Variants in GEMIN4 observed in about 807,000 individuals in gnomAD.
The protein encoded by GEMIN4 is gem nuclear organelle associated protein 4, also known as gem-associated protein 4.
Under a neutral mutation model 76.8 loss-of-function variants are expected in GEMIN4, and 59 were observed. The ratio of observed to expected loss-of-function variants is 0.77; its 90% CI spans 0.62 to 0.95. GEMIN4 has a LOEUF of 0.95. Among genes scored for constraint, GEMIN4 ranks in the 40% least tolerant of loss-of-function variants. The pLI is 0.00. For synonymous variants in GEMIN4, 562 were observed against 559.7 expected, an observed-to-expected ratio of 1.00 and a Z score of -0.06; for missense variants, 1,311 against 1,318.9, an observed-to-expected ratio of 0.99 and a Z score of 0.09.
rs1049032229 is a variant in GEMIN4, at chr17:747,383, G to A, written c.660C>T (p.Leu220=). 1.2e-6 allele frequency: 2 copies of A among 1,613,790 alleles called. No individual in the cohort carries two copies. Among genetic ancestry groups the A allele is most frequent in the Non-Finnish European group, 1.7e-6 (2 of 1,179,888 alleles). ...GACTCTGGATCTGTGTCAGCCCGCGGAGCAGCATGGCCAACAGGGGCATGG... is the reference window on the plus strand; with the variant it reads ...GACTCTGGATCTGTGTCAGCCCGCGAAGCAGCATGGCCAACAGGGGCATGG... ...CPTMPLLAML[L]RGLTQIQSRI... is the part of the protein sequence containing the mutation. The change falls in exon 2 of 2, where the codon CTC becomes CTT. Residue 220 remains leucine, a synonymous_variant. Coordinates refer to ENST00000319004, the MANE Select transcript of GEMIN4 (RefSeq NM_015721.3).
At position 747,326 on chromosome 17, in the gene GEMIN4, C is replaced by G; in HGVS notation, c.717G>C (p.Ala239=). 6.2e-7 allele frequency: 1 copy of G among 1,613,788 alleles called. No homozygotes were observed. The highest frequency in any genetic ancestry group is 8.5e-7 in the Non-Finnish European group (1 of 1,179,876). Residue 239 remains alanine (A), a synonymous_variant, in exon 2 of 2, where the codon GCG becomes GCC. Transcript: ENST00000319004. ...TCAGCATGTCAGCCAGGTTGGCCAG[C>G]GCACAGCACTTCCTCCCCGGGCCCA... ...RILGPGRKCC[A]LANLADMLTV... is the part of the protein sequence containing the mutation.
chr17:746,077 C>G lies in GEMIN4; in HGVS notation c.1966G>C (p.Val656Leu), dbSNP rs200818121. ...ACATCTAACCTCAAGAAAGGCAGGACAAATTCCTTCAGCACCTCGTCTGGC... is the reference window on the plus strand; with the variant it reads ...ACATCTAACCTCAAGAAAGGCAGGAGAAATTCCTTCAGCACCTCGTCTGGC... ...LEPDEVLKEF[V>L]LPFLRLDVEE... Residue 656 changes from valine to leucine, a missense_variant, in exon 2 of 2, where the codon GTC becomes CTC. Transcript: ENST00000319004. The surrounding 1 kb of genome is among the most constrained non-coding windows in gnomAD (Gnocchi z 4.3). The G allele has an allele frequency of 1.2e-6, 2 of 1,613,968 alleles. No individual in the cohort carries two copies. Among genetic ancestry groups the G allele is most frequent in the South Asian group, 2.2e-5 (2 of 91,086 alleles).
Position 746,546 on chromosome 17 carries a change from A to C in GEMIN4, c.1497T>G (p.Leu499=). The C allele has an allele frequency of 6.2e-7, 1 of 1,613,880 alleles. No individual in the cohort carries two copies. The highest frequency in any genetic ancestry group is 1.1e-5 in the South Asian group (1 of 91,086). ...GCCCCCAGGAACGCAGGATACCTGCAAGGACTTTATTTTTACCTGGCAGGG... is the reference window on the plus strand; with the variant it reads ...GCCCCCAGGAACGCAGGATACCTGCCAGGACTTTATTTTTACCTGGCAGGG... ...DLSLPGKNKV[L]AGILRSWGRK... Residue 499 remains leucine, a synonymous_variant, in exon 2 of 2, where the codon CTT becomes CTG. Coordinates refer to ENST00000319004, the MANE Select transcript of GEMIN4 (RefSeq NM_015721.3). This position sits in a 1 kb window ranked among gnomAD's most constrained non-coding sequence, Gnocchi z 4.3.
rs201764322 is a variant in GEMIN4, at chr17:747,822, C to G, written c.221G>C (p.Trp74Ser). Residue 74 changes from tryptophan (W) to serine (S), a missense_variant, in exon 2 of 2, where the codon TGG becomes TCG. By Grantham distance (177) the Trp-to-Ser change is radical. Transcript: ENST00000319004. ...AWKKKALIII[W>S]AKVLQPHPVT... ...GGGGTGCGGCTGCAGAACCTTGGCC[C>G]AGATGATGATCAGGGCTTTCTTCTT... 56 of 1,613,584 alleles carry G rather than the reference C, an allele frequency of 3.5e-5. No homozygotes were observed. In the East Asian group the frequency reaches 7.8e-4, roughly 23 times the overall value.
chr17:752,193 A>C lies in GEMIN4; in HGVS notation c.-51T>G, dbSNP rs1004055325. The stretch of plus-strand genomic sequence containing the variant: ...GGCTAACGCCCCCTCCCCTCCGAGA[A>C]CTCGAACGCGGCGCGGGACGCACGG... On this transcript the variant is annotated 5_prime_UTR_variant, in exon 1 of 2. Transcript: ENST00000319004. 2.4e-6 allele frequency: 3 copies of C among 1,232,164 alleles called. No individual in the cohort carries two copies. Among genetic ancestry groups the C allele is most frequent in the African/African-American group, 3.1e-5 (2 of 64,284 alleles). The allele number at this position is 1,232,164 out of a possible 1,614,324, so 76.3% of individuals were successfully genotyped here. A position where few individuals can be genotyped will look rare whatever the true frequency, so the allele number is the denominator to read the frequency against.
chr17:752,459 C>T (rs1904793444), upstream of GEMIN4, among the ~76,000 whole-genome samples: 2 of 152,102 alleles, frequency 1.3e-5, no homozygotes, highest in South Asian at 2.1e-4. Flanking sequence ...GGGTCGGGCT[C>T]ATGATTCCCC....
At position 746,671 on chromosome 17, in the gene GEMIN4, G is replaced by C; in HGVS notation, c.1372C>G (p.Leu458Val). The change falls in exon 2 of 2, where the codon CTG becomes GTG. Residue 458 changes from leucine to valine, a missense_variant. Coordinates refer to ENST00000319004, the MANE Select transcript of GEMIN4 (RefSeq NM_015721.3). This position sits in a 1 kb window ranked among gnomAD's most constrained non-coding sequence, Gnocchi z 4.3. ...FRQPDLVLRLLETVIDVSTAD... is the reference protein window; with the variant it reads ...FRQPDLVLRLVETVIDVSTAD... ...GTGCTGACGTCTATCACTGTTTCCA[G>C]CAGCCTCAACACCAAGTCTGGCTGT... 4.3e-6 allele frequency: 7 copies of C among 1,613,588 alleles called. No individual in the cohort carries two copies. The highest frequency in any genetic ancestry group is 1.7e-4 in the Middle Eastern group (1 of 6,060).
At position 745,943 on chromosome 17, in the gene GEMIN4, G is replaced by C; in HGVS notation, c.2100C>G (p.Ser700Arg). ...TGAAGCGGTCCAAGAGCTGGCACAA[G>C]CTGAAGAGGAGTGGAAACGGGGAGC... is the stretch of plus-strand genomic sequence containing the variant. ...QTCSPFPLLFSLCQLLDRFSK... is the reference protein window; with the variant it reads ...QTCSPFPLLFRLCQLLDRFSK... The change falls in exon 2 of 2, where the codon AGC (serine) becomes AGG (arginine). Residue 700 changes from serine to arginine, a missense_variant. Transcript: ENST00000319004. The surrounding 1 kb of genome is among the most constrained non-coding windows in gnomAD (Gnocchi z 4.6). The C allele has an allele frequency of 6.2e-7, 1 of 1,613,146 alleles. No individual in the cohort carries two copies. Among genetic ancestry groups the C allele is most frequent in the South Asian group, 1.1e-5 (1 of 91,074 alleles).
Position 747,876 on chromosome 17 carries a change from G to A in GEMIN4, c.167C>T (p.Ala56Val). 1 of 1,613,928 alleles carries A rather than the reference G, an allele frequency of 6.2e-7. No individual in the cohort carries two copies. Among genetic ancestry groups the A allele is most frequent in the Non-Finnish European group, 8.5e-7 (1 of 1,179,888 alleles). The change falls in exon 2 of 2, where the codon GCT becomes GTT. Residue 56 changes from alanine to valine, a missense_variant. Around this residue, in one of 2 missense-constraint regions of GEMIN4, gnomAD observed 103 missense variants for 152.0 expected, o/e 0.68. Transcript: ENST00000319004. ...IVEALREISS[A>V]AAHSQPFAWK... ...GGCAAAGGGCTGGGAGTGTGCTGCAGCCGAGGAGATCTCCCTTAAGGCCTC... is the reference window on the plus strand; with the variant it reads ...GGCAAAGGGCTGGGAGTGTGCTGCAACCGAGGAGATCTCCCTTAAGGCCTC...
chr17:745,417 T>C lies in GEMIN4; in HGVS notation c.2626A>G (p.Thr876Ala), dbSNP rs1318731490. ...AGCTGCTTCTCCAGCAGTCTCCTGG[T>C]CAGCTGGTGAAGGCGCTGCCACTCC... ...PQEWQRLHQL[T>A]RRLLEKQLLH... Residue 876 changes from threonine to alanine, a missense_variant, in exon 2 of 2, where the codon ACC (threonine) becomes GCC (alanine). Coordinates refer to ENST00000319004, the MANE Select transcript of GEMIN4 (RefSeq NM_015721.3). The surrounding 1 kb of genome is among the most constrained non-coding windows in gnomAD (Gnocchi z 4.6). The C allele has an allele frequency of 2.5e-6, 4 of 1,612,892 alleles. No individual in the cohort carries two copies. The highest frequency in any genetic ancestry group is 3.4e-6 in the Non-Finnish European group (4 of 1,179,698).
At chr17:752,486 T>G, upstream of GEMIN4, 1 of 445,728 alleles carries the variant, frequency 2.2e-6, no homozygotes, top group Non-Finnish European at 3.5e-6. Flanking sequence ...GCATTCACCC[T>G]CACCCGGTAA....
chr17:750,521 C>T (rs1042693723), intron 1 of GEMIN4, among the ~76,000 whole-genome samples: 47 of 152,176 alleles, frequency 3.1e-4, no homozygotes, highest in African/African-American at 1.1e-3. Context: ...TCAGAAACAT[C>T]AAAGGATGTA....
Position 744,800 on chromosome 17 carries a change from G to A in GEMIN4, c.*66C>T, listed in dbSNP as rs531072805. The A allele has an allele frequency of 1.4e-4, 209 of 1,508,302 alleles. No homozygotes were observed. In the East Asian group the frequency reaches 3.6e-3, roughly 26 times the overall value. The allele number at this position is 1,508,302 out of a possible 1,614,324, so 93.4% of individuals were successfully genotyped here. A position where few individuals can be genotyped will look rare whatever the true frequency, so the allele number is the denominator to read the frequency against. ...GTTGAAGCCCAGCTTTTTCGCTCCC[G>A]CACAGGTAAGAAGCTGCTGATCTTC... On this transcript the variant is annotated 3_prime_UTR_variant, in exon 2 of 2. Transcript: ENST00000319004.
At position 752,131 on chromosome 17, in the gene GEMIN4, A is replaced by G; in HGVS notation, c.10+2T>C. 8.1e-7 allele frequency: 1 copy of G among 1,239,402 alleles called. No homozygotes were observed. The highest frequency in any genetic ancestry group is 1.0e-6 in the Non-Finnish European group (1 of 991,400). The allele number at this position is 1,239,402 out of a possible 1,614,324, so 76.8% of individuals were successfully genotyped here. A position where few individuals can be genotyped will look rare whatever the true frequency, so the allele number is the denominator to read the frequency against. On this transcript the variant is annotated splice_donor_variant, in intron 1 of 1. Transcript: ENST00000319004. LOFTEE classifies it high-confidence loss of function. ...CCGGGGCCGGGGAGCCGCGGCACCC[A>G]CCTAGGTCCATGGCGGCGACGCCGG...
upstream of GEMIN4, chr17:754,162 G>T (rs180883489): frequency 3.3e-5 from 5 of 152,298 alleles, no homozygotes; most frequent in East Asian, 9.6e-4. Flanking sequence ...GGGGACGGTG[G>T]GACAATATGC....
chr17:747,671 G>C lies in GEMIN4; in HGVS notation c.372C>G (p.Leu124=), dbSNP rs755365796. The change falls in exon 2 of 2, where the codon CTC becomes CTG. Residue 124 remains leucine (L), a synonymous_variant. Coordinates refer to ENST00000319004, the MANE Select transcript of GEMIN4 (RefSeq NM_015721.3). The stretch of plus-strand genomic sequence containing the variant: ...GCAGGGCCATCAGGAGCTGGATAAA[G>C]AGTCCAGAAGCTTCCAGGGATTTGA... ...ELLKSLEASG[L]FIQLLMALPT... 2.4e-5 allele frequency: 38 copies of C among 1,613,820 alleles called. No individual in the cohort carries two copies. In the South Asian group the frequency reaches 4.1e-4, roughly 17 times the overall value.
Position 745,551 on chromosome 17 carries a change from C to T in GEMIN4, c.2492G>A (p.Arg831Lys), listed in dbSNP as rs1283728240. Residue 831 changes from arginine (R) to lysine (K), a missense_variant, in exon 2 of 2, where the codon AGG (arginine) becomes AAG (lysine). By Grantham distance (26) the Arg-to-Lys change is conservative (BLOSUM62 2). Around this residue, in one of 2 missense-constraint regions of GEMIN4, gnomAD observed 1,208 missense variants for 1,166.9 expected, o/e 1.04. Coordinates refer to ENST00000319004, the MANE Select transcript of GEMIN4 (RefSeq NM_015721.3). This position sits in a 1 kb window ranked among gnomAD's most constrained non-coding sequence, Gnocchi z 4.6. ...CCCVSSGISE[R>K]MLSLLVVDVG... ...GTCCACCACCAAGAGAGACAGCATC[C>T]TCTCCGAGATGCCGCTGGAGACGCA... 1 of 1,612,820 alleles carries T rather than the reference C, an allele frequency of 6.2e-7. No homozygotes were observed. Among genetic ancestry groups the T allele is most frequent in the Admixed American group, 1.7e-5 (1 of 59,980 alleles).
rs1296837940 is a variant in GEMIN4, at chr17:745,292, C to A, written c.2751G>T (p.Arg917Ser). ...TATGGCTGCAGAGAAACTGGAAAGTCCTCAGGAAGAGGACGGAGAGTTGCA... is the reference window on the plus strand; with the variant it reads ...TATGGCTGCAGAGAAACTGGAAAGTACTCAGGAAGAGGACGGAGAGTTGCA... The part of the protein sequence containing the change: ...QELQLSVLFL[R>S]TFQFLCSHSC... Residue 917 changes from arginine to serine, a missense_variant, in exon 2 of 2, where the codon AGG becomes AGT. By Grantham distance (110) the Arg-to-Ser change is moderately radical. Transcript: ENST00000319004. This position sits in a 1 kb window ranked among gnomAD's most constrained non-coding sequence, Gnocchi z 4.6. 6.8e-6 allele frequency: 11 copies of A among 1,612,212 alleles called. No individual in the cohort carries two copies. The highest frequency in any genetic ancestry group is 1.3e-5 in the African/African-American group (1 of 74,916).
In GEMIN4 at chr17:745,347, A is replaced by C. The variant is rs368142996; in HGVS notation, c.2696T>G (p.Leu899Arg). 37 of 1,612,930 alleles carry C rather than the reference A, an allele frequency of 2.3e-5. No individual in the cohort carries two copies. Among genetic ancestry groups the C allele is most frequent in the Non-Finnish European group, 3.0e-5 (35 of 1,179,848 alleles). The change falls in exon 2 of 2, where the codon CTG becomes CGG. Residue 899 changes from leucine (L) to arginine (R), a missense_variant. Leu to Arg is a moderately radical substitution (Grantham distance 102, BLOSUM62 -2). Transcript: ENST00000319004. This position sits in a 1 kb window ranked among gnomAD's most constrained non-coding sequence, Gnocchi z 4.6. ...YSLEYIQFVP[L>R]LNLKPFAQEL... ...CTGGGCAAAGGGCTTCAGGTTGAGC[A>C]GGGGAACAAACTGAATATATTCCAG...
Sources: gnomAD v4.1 joint callset for allele counts (sites outside exome capture counted in the v4.1 genomes callset) on GRCh38, gnomAD v4.1.1 for gene constraint, gnomAD v4.1.1 regional missense constraint, Gnocchi (gnomAD v3.1) non-coding constraint, MANE v1.5 for transcripts, NCBI Gene and HGNC (gene_info 2026-07-23, HGNC 2026-07-21) for gene names.